ASXL3: variants seen among roughly 807,000 people sequenced by gnomAD.
ASXL3 encodes the protein putative Polycomb group protein ASXL3.
ASXL3 carries 34 observed loss-of-function variants against 170.6 expected under a neutral mutation model. The observed-to-expected ratio is 0.20, with a 90% confidence interval of 0.15 to 0.27. ASXL3 has a LOEUF of 0.27. Among genes scored for constraint, ASXL3 ranks in the 10% least tolerant of loss-of-function variants. The probability of loss-of-function intolerance (pLI) is 1.00; values close to 1 mark genes in which losing one functional copy is unlikely to be tolerated. For synonymous variants in ASXL3, 1,002 were observed against 989.1 expected (o/e 1.01, Z -0.24); for missense variants, 2,592 against 2,695.3 (o/e 0.96, Z 0.85).
chr18:33,587,693 T>C (rs2065045857), intron 1 of ASXL3, among the ~76,000 whole-genome samples: 1 of 151,940 alleles, frequency 6.6e-6, no homozygotes, highest in Non-Finnish European at 1.5e-5. Flanking sequence ...TGAATCTGAA[T>C]ACAGTCAAGA....
At chr18:33,650,785 G>T (rs1425854035) in intron 4 of ASXL3, among the ~76,000 whole-genome samples, 3 of 152,098 alleles carry the variant, frequency 2.0e-5, no homozygotes, top group East Asian at 1.9e-4. Flanking sequence ...AGCAGTGAAA[G>T]AATAGTAAAT....
intron 8 of ASXL3, among the ~76,000 whole-genome samples, chr18:33,718,217 T>A (rs561866186): frequency 1.4e-4 from 21 of 152,250 alleles, no homozygotes; most frequent in African/African-American, 5.1e-4. Flanking sequence ...CTCTTTCTAA[T>A]CCGTCATCTT....
chr18:33,612,153 A>C (rs933355685), intron 2 of ASXL3, among the ~76,000 whole-genome samples: 5 of 151,726 alleles, frequency 3.3e-5, no homozygotes, highest in African/African-American at 1.2e-4. Flanking sequence ...CAAATAGTTT[A>C]TAATGAGGGT....
chr18:33,716,426 C>A (rs2067166441), intron 8 of ASXL3, among the ~76,000 whole-genome samples: 1 of 152,142 alleles, frequency 6.6e-6, no homozygotes, highest in African/African-American at 2.4e-5. Flanking sequence ...TTAGGAACTT[C>A]TCATCAGTTG....
intron 5 of ASXL3, among the ~76,000 whole-genome samples, chr18:33,668,484 G>T (rs556153581): frequency 6.6e-6 from 1 of 151,202 alleles, no homozygotes; most frequent in African/African-American, 2.4e-5. Context: ...ATTTAGTTTT[G>T]TTTGCCTACA....
intron 2 of ASXL3, among the ~76,000 whole-genome samples, chr18:33,636,058 A>G (rs928503188): frequency 1.3e-5 from 2 of 152,188 alleles, no homozygotes; most frequent in African/African-American, 4.8e-5. Context: ...TATGCAAAGT[A>G]TCGTGATTGT....
intron 8 of ASXL3, among the ~76,000 whole-genome samples, chr18:33,727,283 A>C (rs1009672595): frequency 3.3e-5 from 5 of 152,130 alleles, no homozygotes; most frequent in African/African-American, 1.2e-4. Context: ...ACAAAATAAG[A>C]AAAAAGTGGT....
intron 8 of ASXL3, among the ~76,000 whole-genome samples, chr18:33,699,651 A>G (rs1420291127): frequency 6.6e-6 from 1 of 151,920 alleles, no homozygotes; most frequent in Non-Finnish European, 1.5e-5. Flanking sequence ...TTTGCATAGA[A>G]CTCTTTCATG....
At chr18:33,586,240 T>A (rs928397158) in intron 1 of ASXL3, among the ~76,000 whole-genome samples, 6 of 152,116 alleles carry the variant, frequency 3.9e-5, no homozygotes, top group African/African-American at 1.4e-4. Flanking sequence ...TTACTACATA[T>A]GTAATCTTTA....
chr18:33,700,010 G>T lies in ASXL3; in HGVS notation c.879+16442G>T, dbSNP rs867788635. On this transcript the variant is annotated intron_variant, in intron 8 of 11. Transcript: ENST00000269197. ...ATTTGTTCAGGAGAAATCCAGATTG[G>T]AGTTAAATAAGATGTAAGTTAGAGA... Among the ~76,000 whole-genome samples, 9 of 152,080 alleles carry T rather than the reference G, an allele frequency of 5.9e-5. No homozygotes were observed. The South Asian group carries it at 1.9e-3, about 32-fold the overall frequency.
rs2066449770 is a variant in ASXL3, at chr18:33,677,669, A to AT, written c.716-5734dup. On this transcript the variant is annotated intron_variant, in intron 7 of 11. Transcript: ENST00000269197. ...CTTTTTGAATATCGAAGTTGATAAC[A>AT]TTCATGTTCTGTTTGTTTAACCATA... 2.0e-5 allele frequency among the ~76,000 whole-genome samples: 3 copies of AT among 152,312 alleles called. No homozygotes were observed. In the South Asian group the frequency reaches 6.2e-4, roughly 32 times the overall value.
intron 2 of ASXL3, among the ~76,000 whole-genome samples, chr18:33,641,020 TTA>T (rs1204843085): frequency 4.9e-4 from 74 of 152,184 alleles, no homozygotes; most frequent in African/African-American, 1.8e-3. Flanking sequence ...TTATAAATCA[TTA>T]TGTTATATAT....
At chr18:33,594,584 A>G (rs1198779212) in intron 1 of ASXL3, among the ~76,000 whole-genome samples, 3 of 152,196 alleles carry the variant, frequency 2.0e-5, no homozygotes, top group Non-Finnish European at 2.9e-5. Flanking sequence ...CTGCTTGCTT[A>G]TAAATATACC....
intron 8 of ASXL3, 166 bp downstream of exon 8, chr18:33,683,734 T>C (rs1235055480): frequency 1.4e-6 from 1 of 694,650 alleles, no homozygotes. Context: ...AACAGAACCA[T>C]TTTTATTCTT....
chr18:33,652,989 C>T (rs1401557356), intron 4 of ASXL3, among the ~76,000 whole-genome samples: 1 of 151,978 alleles, frequency 6.6e-6, no homozygotes, highest in Non-Finnish European at 1.5e-5. Context: ...ACACTGACAG[C>T]TCATGAGGCA....
chr18:33,701,681 A>T (rs2066876677), intron 8 of ASXL3, among the ~76,000 whole-genome samples: 2 of 152,042 alleles, frequency 1.3e-5, no homozygotes, highest in Admixed American at 1.3e-4. Context: ...GGCTTTCAGC[A>T]TTTTTACCAG....
chr18:33,680,901 C>CT (rs2066503766), intron 7 of ASXL3, among the ~76,000 whole-genome samples: 1 of 151,788 alleles, frequency 6.6e-6, no homozygotes, highest in Non-Finnish European at 1.5e-5. Context: ...GATGTTGTTA[C>CT]TTTTAAAATC....
chr18:33,652,758 G>A (rs2066021588), intron 4 of ASXL3, among the ~76,000 whole-genome samples: 1 of 151,962 alleles, frequency 6.6e-6, no homozygotes, highest in Admixed American at 6.6e-5. Context: ...TCTTGGCAGA[G>A]TTGTGTTAAC....
intron 1 of ASXL3, among the ~76,000 whole-genome samples, chr18:33,593,666 CAGG>C (rs2065099896): frequency 6.6e-6 from 1 of 152,098 alleles, no homozygotes; most frequent in Non-Finnish European, 1.5e-5. Flanking sequence ...ACCTCAGAAC[CAGG>C]AGGTTTTTCC....
Sources: allele counts gnomAD v4.1 joint callset (sites outside exome capture counted in the v4.1 genomes callset), GRCh38; gene constraint gnomAD v4.1.1; transcripts MANE v1.5; gene names NCBI Gene and HGNC (gene_info 2026-07-23, HGNC 2026-07-21).